The following GALNT14 variants were observed in gnomAD, a reference collection of about 807,000 sequenced individuals.
GALNT14 encodes UDP-GalNAc:polypeptide N-acetylgalactosaminyltransferase 14.
A neutral mutation model predicts 77.5 loss-of-function variants in GALNT14; 60 were observed. That is an observed-to-expected ratio of 0.77 (90% CI 0.63 to 0.96). GALNT14 has a LOEUF of 0.96. GALNT14 is among the 40% of genes least tolerant of loss of function. The pLI, the probability that GALNT14 is intolerant of heterozygous loss-of-function variation, is 0.00. For synonymous variants in GALNT14, 280 were observed against 281.7 expected, an observed-to-expected ratio of 0.99 and a Z score of 0.06; for missense variants, 710 against 731.0, an observed-to-expected ratio of 0.97 and a Z score of 0.33.
At chr2:31,125,775 C>T (rs1184171478) in intron 1 of GALNT14, among the ~76,000 whole-genome samples, 1 of 152,206 alleles carries the variant, frequency 6.6e-6, no homozygotes, top group Non-Finnish European at 1.5e-5. Context: ...TTTCCTGGCA[C>T]ATGATAGCTT....
chr2:31,044,874 C>T (rs1441541409), intron 1 of GALNT14, among the ~76,000 whole-genome samples: 1 of 151,658 alleles, frequency 6.6e-6, no homozygotes, highest in Non-Finnish European at 1.5e-5. Context: ...AAGACTGCAC[C>T]ACTGCACTCC....
At chr2:30,951,099 A>G (rs981748243) in intron 6 of GALNT14, among the ~76,000 whole-genome samples, 3 of 152,212 alleles carry the variant, frequency 2.0e-5, no homozygotes, top group African/African-American at 7.2e-5. Context: ...ACTCAAACAA[A>G]AACTTGTACA....
At chr2:31,076,596 G>C (rs1251448949) in intron 1 of GALNT14, among the ~76,000 whole-genome samples, 3 of 148,740 alleles carry the variant, frequency 2.0e-5, no homozygotes, top group African/African-American at 7.5e-5. Flanking sequence ...AGGAGCACTA[G>C]ATAGGGGTGT....
At chr2:30,904,934 C>T in the GALNT14 span, among the ~76,000 whole-genome samples, 4 of 151,800 alleles carry the variant, frequency 2.6e-5, no homozygotes, top group Admixed American at 6.6e-5. Context: ...CTGGGAGGCA[C>T]CCCCCAGCAG....
chr2:31,044,601 T>C (rs4268964), intron 1 of GALNT14, among the ~76,000 whole-genome samples: 63,424 of 151,848 alleles, frequency 0.42, 13,453 homozygotes, highest in East Asian at 0.54. Context: ...TCCCAAGTGC[T>C]TTTGGATAGA....
rs376578673 is a variant in GALNT14, at chr2:31,067,699, A to G, written c.129+70259T>C. On this transcript the variant is annotated intron_variant, in intron 1 of 14. Coordinates refer to ENST00000349752, the MANE Select transcript of GALNT14 (RefSeq NM_024572.4). ...GAGCCAACTTGCACAGCAAAAATAA[A>G]CCTCTGTCACTTCCATACAGCGCTC... 9.1e-4 allele frequency among the ~76,000 whole-genome samples: 139 copies of G among 152,074 alleles called. 1 individual carries two copies. The highest frequency in any genetic ancestry group is 3.3e-3 in the African/African-American group (138 of 41,474).
intron 1 of GALNT14, among the ~76,000 whole-genome samples, chr2:31,107,149 G>T (rs905760856): frequency 6.6e-6 from 1 of 152,180 alleles, no homozygotes; most frequent in Non-Finnish European, 1.5e-5. Context: ...TTGCAGTTAG[G>T]TGTCTTCTGG....
intron 1 of GALNT14, chr2:31,114,855 T>C (rs778737001): frequency 1.7e-5 from 12 of 715,600 alleles, no homozygotes; most frequent in Non-Finnish European, 5.2e-6. Context: ...GGAGAAAATG[T>C]CATGAGCTCC....
chr2:30,974,501 C>T (rs1163169376), intron 2 of GALNT14, among the ~76,000 whole-genome samples: 1 of 152,236 alleles, frequency 6.6e-6, no homozygotes, highest in African/African-American at 2.4e-5. Context: ...CTCCTGCCCT[C>T]TGCACTCTCA....
intron 1 of GALNT14, among the ~76,000 whole-genome samples, chr2:31,089,051 A>C (rs1676598828): frequency 6.6e-6 from 1 of 152,220 alleles, no homozygotes; most frequent in Non-Finnish European, 1.5e-5. Flanking sequence ...GAATGTCTTT[A>C]GCCTGGGGAG....
At chr2:31,022,132 T>C (rs1459945612) in intron 1 of GALNT14, among the ~76,000 whole-genome samples, 1 of 152,216 alleles carries the variant, frequency 6.6e-6, no homozygotes, top group Non-Finnish European at 1.5e-5. Flanking sequence ...TCAGAGACTC[T>C]GCATGTGTTT....
chr2:30,906,981 G>A (rs188153636), downstream of GALNT14, among the ~76,000 whole-genome samples: 220 of 152,266 alleles, frequency 1.4e-3, no homozygotes, highest in African/African-American at 5.2e-3. Context: ...ATGAAATGAA[G>A]GCCGAAATAA....
At chr2:31,012,569 G>T (rs1177123002) in intron 1 of GALNT14, among the ~76,000 whole-genome samples, 1 of 152,146 alleles carries the variant, frequency 6.6e-6, no homozygotes, top group African/African-American at 2.4e-5. Flanking sequence ...AGAACTCACA[G>T]CCCTCAAACT....
At chr2:31,053,140 CAT>C (rs1491263447) in intron 1 of GALNT14, among the ~76,000 whole-genome samples, 1 of 152,178 alleles carries the variant, frequency 6.6e-6, no homozygotes, top group East Asian at 1.9e-4. Context: ...TCTTGGGTGG[CAT>C]TTTTTGGACC....
intron 1 of GALNT14, among the ~76,000 whole-genome samples, chr2:31,059,658 T>C (rs1002945536): frequency 3.3e-5 from 5 of 152,154 alleles, no homozygotes; most frequent in African/African-American, 9.7e-5. Context: ...TGAGCCATGA[T>C]TGTGCCACTG....
At chr2:30,946,779 A>G (rs1666722635) in intron 6 of GALNT14, among the ~76,000 whole-genome samples, 1 of 152,148 alleles carries the variant, frequency 6.6e-6, no homozygotes. Flanking sequence ...GGATAAGTTG[A>G]TGAATAGCAT....
chr2:30,947,319 C>T (rs977151101), intron 6 of GALNT14, among the ~76,000 whole-genome samples: 1 of 152,224 alleles, frequency 6.6e-6, no homozygotes, highest in African/African-American at 2.4e-5. Flanking sequence ...CCCAGACCAT[C>T]AAGAACAGGC....
At chr2:31,024,942 T>G (rs1441251944) in intron 1 of GALNT14, among the ~76,000 whole-genome samples, 1 of 152,066 alleles carries the variant, frequency 6.6e-6, no homozygotes, top group African/African-American at 2.4e-5. Context: ...AGACCAAAAG[T>G]TGAAATACCT....
chr2:30,911,498 C>T (rs1162202287), intron 14 of GALNT14, among the ~76,000 whole-genome samples: 1 of 152,116 alleles, frequency 6.6e-6, no homozygotes, highest in Non-Finnish European at 1.5e-5. Flanking sequence ...AGCAGAGAGG[C>T]AGGTCTCATG....
Sources: gnomAD v4.1 joint callset for allele counts (sites outside exome capture counted in the v4.1 genomes callset) on GRCh38, gnomAD v4.1.1 for gene constraint, MANE v1.5 for transcripts, NCBI Gene and HGNC (gene_info 2026-07-23, HGNC 2026-07-21) for gene names.